PIP4K2A: variants seen among roughly 807,000 people sequenced by gnomAD.
PIP4K2A encodes phosphatidylinositol-5-phosphate 4-kinase type 2 alpha.
PIP4K2A carries 14 observed loss-of-function variants against 42.9 expected under a neutral mutation model. The ratio of observed to expected loss-of-function variants is 0.33; its 90% CI spans 0.22 to 0.51. PIP4K2A has a LOEUF of 0.51. Among genes scored for constraint, PIP4K2A ranks in the 20% least tolerant of loss-of-function variants. PIP4K2A has a pLI of 0.97. For missense variants in PIP4K2A, 434 were observed against 519.8 expected (o/e 0.83, Z 1.61); for synonymous variants, 192 against 192.2 (o/e 1.00, Z 0.01).
chr10:22,641,609 G>T (rs1331155535), intron 1 of PIP4K2A, among the ~76,000 whole-genome samples: 2 of 149,688 alleles, frequency 1.3e-5, no homozygotes, highest in Non-Finnish European at 3.0e-5. Flanking sequence ...ACTCAGATAG[G>T]TTTTTTTTTA....
chr10:22,667,589 C>G (rs920242207), intron 1 of PIP4K2A, among the ~76,000 whole-genome samples: 1 of 152,130 alleles, frequency 6.6e-6, no homozygotes, highest in African/African-American at 2.4e-5. Flanking sequence ...CTTCTCATGT[C>G]ACATTCCATG....
intron 1 of PIP4K2A, among the ~76,000 whole-genome samples, chr10:22,664,906 G>A (rs1301609274): frequency 6.6e-6 from 1 of 151,820 alleles, no homozygotes; most frequent in Non-Finnish European, 1.5e-5. Flanking sequence ...TTGTTCTTTT[G>A]TCCCCCACTC....
chr10:22,628,279 A>T (rs1838486725), intron 1 of PIP4K2A, among the ~76,000 whole-genome samples: 1 of 152,166 alleles, frequency 6.6e-6, no homozygotes, highest in African/African-American at 2.4e-5. Context: ...CAATTTTTGA[A>T]GAAGTTGTTT....
At chr10:22,540,304 CAACTAAA>C (rs1384295618) in intron 8 of PIP4K2A, among the ~76,000 whole-genome samples, 21 of 152,128 alleles carry the variant, frequency 1.4e-4, no homozygotes, top group African/African-American at 5.1e-4. Flanking sequence ...ACAACCCTAA[CAACTAAA>C]AACATCATCA....
At chr10:22,705,443 A>G (rs1833803674) in intron 1 of PIP4K2A, among the ~76,000 whole-genome samples, 1 of 142,056 alleles carries the variant, frequency 7.0e-6, no homozygotes, top group African/African-American at 2.8e-5. Flanking sequence ...AAAAAAAAAA[A>G]AAAAAAAAAA....
At chr10:22,677,281 C>T (rs1839577681) in intron 1 of PIP4K2A, among the ~76,000 whole-genome samples, 1 of 152,160 alleles carries the variant, frequency 6.6e-6, no homozygotes, top group African/African-American at 2.4e-5. Flanking sequence ...ACTGTATTAT[C>T]ATAGGGAATC....
chr10:22,632,647 C>T lies in PIP4K2A; in HGVS notation c.145-22930G>A, dbSNP rs57645598. Among the ~76,000 whole-genome samples the T allele has an allele frequency of 8.9e-4, 135 of 152,302 alleles. 1 individual carries two copies. The highest frequency in any genetic ancestry group is 3.1e-3 in the African/African-American group (128 of 41,548). ...CCTCCGGTGTAGGCCACCAGGCACA[C>T]TCATATCCCTGGCACCTAGCTCAGT... On this transcript the variant is annotated intron_variant, in intron 1 of 9. Transcript: ENST00000376573.
chr10:22,580,054 G>C (rs1034381351), intron 4 of PIP4K2A, among the ~76,000 whole-genome samples: 3 of 151,916 alleles, frequency 2.0e-5, no homozygotes, highest in African/African-American at 7.3e-5. Flanking sequence ...AGAGGGCAAA[G>C]GCAGGAAGGC....
chr10:22,685,633 A>G lies in PIP4K2A; in HGVS notation c.144+28550T>C, dbSNP rs573930896. Among the ~76,000 whole-genome samples, 6 of 152,238 alleles carry G rather than the reference A, an allele frequency of 3.9e-5. No homozygotes were observed. In the South Asian group the frequency reaches 1.2e-3, roughly 32 times the overall value. ...GGGGGGCTAAGGCTGATGCAGGAGGATCCCTTGAGCCCAGGAGATTGAGGC... is the reference window on the plus strand; with the variant it reads ...GGGGGGCTAAGGCTGATGCAGGAGGGTCCCTTGAGCCCAGGAGATTGAGGC... On this transcript the variant is annotated intron_variant, in intron 1 of 9. Transcript: ENST00000376573.
intron 6 of PIP4K2A, among the ~76,000 whole-genome samples, chr10:22,561,844 G>A (rs1220283175): frequency 6.6e-6 from 1 of 152,096 alleles, no homozygotes; most frequent in Non-Finnish European, 1.5e-5. Flanking sequence ...GGGATTACAG[G>A]CGTGAGCCAC....
At chr10:22,549,592 A>G (rs1228664472) in intron 7 of PIP4K2A, among the ~76,000 whole-genome samples, 1 of 152,106 alleles carries the variant, frequency 6.6e-6, no homozygotes, top group Non-Finnish European at 1.5e-5. Flanking sequence ...CTGTAATCCC[A>G]GCACTTTGGG....
At chr10:22,666,688 T>G (rs1262364359) in intron 1 of PIP4K2A, among the ~76,000 whole-genome samples, 3 of 152,194 alleles carry the variant, frequency 2.0e-5, no homozygotes, top group Admixed American at 1.3e-4. Flanking sequence ...CTGCACTGTT[T>G]CCGGCACCTA....
At chr10:22,668,553 T>C (rs1839393244) in intron 1 of PIP4K2A, among the ~76,000 whole-genome samples, 1 of 152,236 alleles carries the variant, frequency 6.6e-6, no homozygotes, top group African/African-American at 2.4e-5. Flanking sequence ...AATTGGGCTG[T>C]ATTTCAAAAG....
chr10:22,624,374 G>A (rs1035274302), intron 1 of PIP4K2A, among the ~76,000 whole-genome samples: 1 of 152,194 alleles, frequency 6.6e-6, no homozygotes, highest in African/African-American at 2.4e-5. Flanking sequence ...CAGAGGCATA[G>A]AAACACCAGT....
At chr10:22,596,692 TATAA>T (rs1033382632) in intron 3 of PIP4K2A, among the ~76,000 whole-genome samples, 2 of 152,228 alleles carry the variant, frequency 1.3e-5, no homozygotes, top group Non-Finnish European at 1.5e-5. Flanking sequence ...TCCCTCCATG[TATAA>T]ATAAACCTCA....
chr10:22,692,200 T>G (rs1839885405), intron 1 of PIP4K2A, among the ~76,000 whole-genome samples: 1 of 151,962 alleles, frequency 6.6e-6, no homozygotes, highest in African/African-American at 2.4e-5. Flanking sequence ...TATTAGATTT[T>G]CATAAGGAGT....
chr10:22,714,139 A>G (rs1204249029), intron 1 of PIP4K2A, 44 bp downstream of exon 1: 1 of 1,488,720 alleles, frequency 6.7e-7, no homozygotes, highest in African/African-American at 1.4e-5. Context: ...GAGGAGGAAG[A>G]GGAGGAGGAG....
intron 3 of PIP4K2A, among the ~76,000 whole-genome samples, chr10:22,599,785 C>T (rs778460770): frequency 3.3e-5 from 5 of 152,202 alleles, no homozygotes; most frequent in Non-Finnish European, 7.3e-5. Flanking sequence ...CTAGCTCAAA[C>T]CACAAAAGCT....
At chr10:22,687,544 G>GACAC (rs137860168) in intron 1 of PIP4K2A, among the ~76,000 whole-genome samples, 2 of 149,860 alleles carry the variant, frequency 1.3e-5, no homozygotes, top group South Asian at 4.2e-4. Flanking sequence ...TACGAAAGCA[G>GACAC]ACACACACAC....
Sources: allele counts gnomAD v4.1 joint callset (sites outside exome capture counted in the v4.1 genomes callset), GRCh38; gene constraint gnomAD v4.1.1; transcripts MANE v1.5; gene names NCBI Gene and HGNC (gene_info 2026-07-23, HGNC 2026-07-21).